RELN: variants seen among roughly 807,000 people sequenced by gnomAD.
The protein encoded by RELN is reelin.
Under a neutral mutation model 427.6 loss-of-function variants are expected in RELN, and 108 were observed. The ratio of observed to expected loss-of-function variants is 0.25; its 90% CI spans 0.22 to 0.30. The LOEUF (loss-of-function observed/expected upper bound fraction) is 0.30. RELN is among the 10% of genes least tolerant of loss of function. RELN has a pLI of 1.00. For missense variants in RELN, 3,715 were observed against 4,302.8 expected (o/e 0.86, Z 3.82); for synonymous variants, 1,524 against 1,513.4 (o/e 1.01, Z -0.16).
At chr7:103,779,518 C>G (rs977828452) in intron 3 of RELN, among the ~76,000 whole-genome samples, 2 of 152,150 alleles carry the variant, frequency 1.3e-5, no homozygotes, top group Admixed American at 6.5e-5. Flanking sequence ...ATACTCTTAT[C>G]CATTTTTCCT....
chr7:103,796,093 T>C (rs986261324), intron 3 of RELN, among the ~76,000 whole-genome samples: 1 of 152,228 alleles, frequency 6.6e-6, no homozygotes, highest in Non-Finnish European at 1.5e-5. Context: ...TTAAACTCTT[T>C]ATATAATTTA....
intron 3 of RELN, among the ~76,000 whole-genome samples, chr7:103,811,651 A>G (rs984348124): frequency 6.6e-6 from 1 of 152,234 alleles, no homozygotes; most frequent in Non-Finnish European, 1.5e-5. Flanking sequence ...AAGAAGCTCA[A>G]ACTACATACG....
At chr7:103,691,476 C>G (rs1011105097) in intron 10 of RELN, among the ~76,000 whole-genome samples, 2 of 152,156 alleles carry the variant, frequency 1.3e-5, no homozygotes, top group South Asian at 2.1e-4. Context: ...TACATACTCA[C>G]TACTCTGTGT....
intron 52 of RELN, among the ~76,000 whole-genome samples, chr7:103,502,702 G>A (rs957277561): frequency 1.1e-4 from 17 of 152,294 alleles, no homozygotes; most frequent in African/African-American, 4.1e-4. Context: ...ACAAGGTTGA[G>A]AAGGTAGGGT....
At chr7:103,614,247 G>A (rs1488006228) in intron 20 of RELN, among the ~76,000 whole-genome samples, 2 of 152,302 alleles carry the variant, frequency 1.3e-5, no homozygotes, top group East Asian at 3.9e-4. Flanking sequence ...AGAGTTATTT[G>A]GTGTCTCCCA....
chr7:103,961,699 T>C (rs997715391), intron 1 of RELN, among the ~76,000 whole-genome samples: 1 of 152,214 alleles, frequency 6.6e-6, no homozygotes, highest in Admixed American at 6.5e-5. Flanking sequence ...CTGCCTCTTA[T>C]TACCTCTAAG....
At chr7:103,978,658 A>C (rs894069251) in intron 1 of RELN, among the ~76,000 whole-genome samples, 2 of 152,190 alleles carry the variant, frequency 1.3e-5, no homozygotes, top group Non-Finnish European at 2.9e-5. Flanking sequence ...TCTCTAGAGC[A>C]TTTGCATTTC....
At position 103,556,985 on chromosome 7, in the gene RELN, T is replaced by C; in HGVS notation, c.5789A>G (p.Tyr1930Cys). The change falls in exon 38 of 65, where the codon TAT becomes TGT. Residue 1930 changes from tyrosine (Y) to cysteine (C), a missense_variant. Physicochemically the swap from Tyr to Cys is radical, Grantham distance 194. Around this residue, in one of 4 missense-constraint regions of RELN, gnomAD observed 1,310 missense variants for 1,643.0 expected, o/e 0.80. Transcript: ENST00000428762. ...NATRFRLWQP[Y>C]NNGKKEEIWI... ...AACACATGCATTTTTACCGTTATTA[T>C]AAGGTTGCCAGAGTCTGAATCTTGT... The C allele has an allele frequency of 6.2e-7, 1 of 1,611,546 alleles. No individual in the cohort carries two copies. Among genetic ancestry groups the C allele is most frequent in the Non-Finnish European group, 8.5e-7 (1 of 1,177,578 alleles).
At chr7:103,687,887 G>A (rs938903967) in intron 10 of RELN, among the ~76,000 whole-genome samples, 3 of 152,096 alleles carry the variant, frequency 2.0e-5, no homozygotes, top group African/African-American at 4.8e-5. Flanking sequence ...TTGTCATGGC[G>A]ATCTGGCTCA....
At chr7:103,521,065 T>C (rs1037692539) in intron 48 of RELN, among the ~76,000 whole-genome samples, 3 of 142,712 alleles carry the variant, frequency 2.1e-5, no homozygotes, top group Admixed American at 7.3e-5. Flanking sequence ...CAAGCTCCGC[T>C]TCCCGGGTTC....
At chr7:103,786,171 T>C (rs1792009562) in intron 3 of RELN, among the ~76,000 whole-genome samples, 1 of 152,030 alleles carries the variant, frequency 6.6e-6, no homozygotes, top group Admixed American at 6.6e-5. Flanking sequence ...TAACTTGTAT[T>C]ATGAAAAATT....
At chr7:103,795,246 C>T (rs1247518136) in intron 3 of RELN, among the ~76,000 whole-genome samples, 1 of 152,190 alleles carries the variant, frequency 6.6e-6, no homozygotes, top group Non-Finnish European at 1.5e-5. Context: ...AAATGGTCCT[C>T]ACAGGCTCAA....
intron 51 of RELN, 124 bp downstream of exon 51, chr7:103,510,727 T>C: frequency 2.7e-6 from 2 of 752,476 alleles, no homozygotes; most frequent in East Asian, 2.7e-5. Flanking sequence ...ATTAGTTTAA[T>C]AGTAAATTTT....
intron 1 of RELN, among the ~76,000 whole-genome samples, chr7:103,926,418 T>C (rs1795737434): frequency 6.6e-6 from 1 of 152,016 alleles, no homozygotes; most frequent in African/African-American, 2.4e-5. Context: ...GTTCAACATA[T>C]TGAAAATATG....
At chr7:103,520,954 G>GTTTTTTTTTTTTTTTTTTTT (rs1462369530) in intron 48 of RELN, among the ~76,000 whole-genome samples, 1 of 78,188 alleles carries the variant, frequency 1.3e-5, no homozygotes, top group Non-Finnish European at 2.5e-5. Flanking sequence ...CAGTAAATTT[G>GTTTTTTTTTTTTTTTTTTTT]TTATTTTTTT....
At chr7:103,734,099 AACT>A (rs1210022804) in intron 6 of RELN, among the ~76,000 whole-genome samples, 1 of 152,064 alleles carries the variant, frequency 6.6e-6, no homozygotes, top group Non-Finnish European at 1.5e-5. Flanking sequence ...CAAAAACAAA[AACT>A]ACTGTTGTTT....
chr7:103,526,014 C>T (rs1829815175), intron 46 of RELN, among the ~76,000 whole-genome samples: 2 of 152,172 alleles, frequency 1.3e-5, no homozygotes, highest in Admixed American at 6.5e-5. Context: ...TCAAAACACC[C>T]TACAAGAGAT....
intron 2 of RELN, among the ~76,000 whole-genome samples, chr7:103,912,874 T>C (rs1249417909): frequency 6.6e-6 from 1 of 152,130 alleles, no homozygotes; most frequent in African/African-American, 2.4e-5. Context: ...CTTGAAGATT[T>C]ACATGATTGA....
intron 11 of RELN, among the ~76,000 whole-genome samples, chr7:103,672,233 T>A (rs1833409166): frequency 6.6e-6 from 1 of 152,168 alleles, no homozygotes; most frequent in Non-Finnish European, 1.5e-5. Context: ...GATTCATTGG[T>A]TCTCTCTCTT....
Sources: allele counts gnomAD v4.1 joint callset (sites outside exome capture counted in the v4.1 genomes callset), GRCh38; gene constraint gnomAD v4.1.1; regional missense constraint gnomAD v4.1.1; transcripts MANE v1.5; gene names NCBI Gene and HGNC (gene_info 2026-07-23, HGNC 2026-07-21).